Variants in CCDC60 observed in about 807,000 individuals in gnomAD.
The protein encoded by CCDC60 is coiled-coil domain containing 60.
In CCDC60, 54 loss-of-function variants were observed where a neutral mutation model predicts 63.5. The observed-to-expected ratio is 0.85, with a 90% CI of 0.68 to 1.07. The LOEUF (loss-of-function observed/expected upper bound fraction) is 1.07. Ranked by LOEUF, CCDC60 falls within the 50% of genes least tolerant of loss-of-function variation. The pLI, the probability that CCDC60 is intolerant of heterozygous loss-of-function variation, is 0.00. For synonymous variants in CCDC60, 206 were observed against 238.8 expected (o/e 0.86, Z 1.27); for missense variants, 651 against 684.3 (o/e 0.95, Z 0.54).
chr12:119,438,960 T>A (rs1000833425), intron 2 of CCDC60, among the ~76,000 whole-genome samples: 1 of 152,066 alleles, frequency 6.6e-6, no homozygotes, highest in Non-Finnish European at 1.5e-5. Flanking sequence ...AGAACAGAGA[T>A]GAGGCCAAGG....
At chr12:119,535,348 A>G (rs1453058050) in intron 13 of CCDC60, among the ~76,000 whole-genome samples, 1 of 151,520 alleles carries the variant, frequency 6.6e-6, no homozygotes, top group Non-Finnish European at 1.5e-5. Flanking sequence ...AATTTTGTTG[A>G]TCTTTTCAAA....
chr12:119,513,105 C>T (rs1284732115), intron 7 of CCDC60, among the ~76,000 whole-genome samples: 1 of 152,170 alleles, frequency 6.6e-6, no homozygotes, highest in African/African-American at 2.4e-5. Context: ...TAGGAAAAAG[C>T]GGTCCCAAAG....
intron 2 of CCDC60, among the ~76,000 whole-genome samples, chr12:119,458,560 T>A (rs892036590): frequency 6.6e-5 from 10 of 152,264 alleles, no homozygotes; most frequent in Non-Finnish European, 1.3e-4. Context: ...AAATCTTCAA[T>A]ACTCTGCAAT....
In CCDC60 at chr12:119,507,612, A is replaced by ATTTTT. The variant is rs1271195617; in HGVS notation, c.883+2310_883+2311insTTTTT. ...TATACATATATATATATATATATAT[A>ATTTTT]TATTTTTTTTTTTTTTTTCTAGAAA... On this transcript the variant is annotated intron_variant, in intron 7 of 13. Transcript: ENST00000327554. 1.9e-3 allele frequency among the ~76,000 whole-genome samples: 87 copies of ATTTTT among 45,392 alleles called. 6 individuals carry two copies. Among genetic ancestry groups the ATTTTT allele is most frequent in the African/African-American group, 3.4e-3 (42 of 12,246 alleles). 29.8% of individuals were successfully genotyped at this position (45,392 alleles called of 152,430 possible).
At chr12:119,425,023 A>T (rs1956877329) in intron 1 of CCDC60, among the ~76,000 whole-genome samples, 1 of 152,338 alleles carries the variant, frequency 6.6e-6, no homozygotes, top group Middle Eastern at 3.4e-3. Context: ...TTTGAAAAAA[A>T]AAATGCTTGA....
At chr12:119,435,722 T>C (rs1019870619) in intron 2 of CCDC60, among the ~76,000 whole-genome samples, 2 of 152,216 alleles carry the variant, frequency 1.3e-5, no homozygotes, top group African/African-American at 4.8e-5. Context: ...ATTGTATCGG[T>C]CAGCTGTTGC....
intron 1 of CCDC60, among the ~76,000 whole-genome samples, chr12:119,336,190 C>T (rs1245172096): frequency 6.6e-6 from 1 of 151,554 alleles, no homozygotes; most frequent in Admixed American, 6.6e-5. Flanking sequence ...CACATGTATA[C>T]ATATGTAACT....
chr12:119,337,360 A>G (rs1188097559), intron 1 of CCDC60, among the ~76,000 whole-genome samples: 1 of 152,206 alleles, frequency 6.6e-6, no homozygotes, highest in African/African-American at 2.4e-5. Context: ...AGCAGCAGAC[A>G]GAATCACCCT....
At chr12:119,518,357 T>TA (rs1593205048) in intron 8 of CCDC60, among the ~76,000 whole-genome samples, 2 of 152,302 alleles carry the variant, frequency 1.3e-5, no homozygotes, top group East Asian at 3.9e-4. Flanking sequence ...AGCCTTTCTC[T>TA]AAACCTCTGT....
intron 1 of CCDC60, among the ~76,000 whole-genome samples, chr12:119,336,764 G>A (rs568776316): frequency 2.4e-3 from 359 of 152,316 alleles, no homozygotes; most frequent in Admixed American, 5.2e-3. Context: ...TGATGTTAAC[G>A]CTGGATAATG....
intron 10 of CCDC60, 35 bp downstream of exon 10, chr12:119,523,036 G>A (rs1413301523): frequency 6.3e-7 from 1 of 1,576,716 alleles, no homozygotes; most frequent in African/African-American, 1.3e-5. Context: ...AACCACGCAA[G>A]AGGGAATATG....
intron 1 of CCDC60, among the ~76,000 whole-genome samples, chr12:119,406,182 T>G (rs1956485775): frequency 7.5e-6 from 1 of 132,768 alleles, no homozygotes; most frequent in Non-Finnish European, 1.6e-5. Context: ...AAAAAATATA[T>G]ATATATATAG....
At chr12:119,425,970 G>A (rs1227519705) in intron 1 of CCDC60, among the ~76,000 whole-genome samples, 1 of 152,154 alleles carries the variant, frequency 6.6e-6, no homozygotes, top group Admixed American at 6.5e-5. Context: ...GGAACTAACT[G>A]GTATCAACAG....
intron 6 of CCDC60, among the ~76,000 whole-genome samples, chr12:119,502,990 G>A (rs1206291252): frequency 3.9e-5 from 6 of 152,178 alleles, no homozygotes; most frequent in Middle Eastern, 3.4e-3. Flanking sequence ...GCAACATGGT[G>A]AAACCCCATC....
At chr12:119,445,114 C>G (rs888392500) in intron 2 of CCDC60, among the ~76,000 whole-genome samples, 6 of 151,896 alleles carry the variant, frequency 4.0e-5, no homozygotes, top group African/African-American at 1.5e-4. Flanking sequence ...CCTAAATTTC[C>G]CATGAAAATG....
At position 119,364,201 on chromosome 12, in the gene CCDC60, TA is replaced by T. The variant is rs150010300; in HGVS notation, c.90+28936del. On this transcript the variant is annotated intron_variant, in intron 1 of 13. Coordinates refer to ENST00000327554, the MANE Select transcript of CCDC60 (RefSeq NM_178499.5). ...TTGTTTTGACTTTGATATACTCATT[TA>T]TTTTTAATCAACTTTTTGAGGTGTA... Among the ~76,000 whole-genome samples, 200 of 152,328 alleles carry T rather than the reference TA, an allele frequency of 1.3e-3. 1 individual carries two copies. Among genetic ancestry groups the T allele is most frequent in the African/African-American group, 4.6e-3 (192 of 41,566 alleles).
intron 1 of CCDC60, among the ~76,000 whole-genome samples, chr12:119,421,492 T>C (rs145261904): frequency 1.9e-3 from 282 of 152,296 alleles, no homozygotes; most frequent in African/African-American, 6.4e-3. Context: ...TGCCACTTAA[T>C]AGCAAGTCAG....
At chr12:119,396,740 A>G (rs1205194331) in intron 1 of CCDC60, among the ~76,000 whole-genome samples, 1 of 152,128 alleles carries the variant, frequency 6.6e-6, no homozygotes, top group East Asian at 1.9e-4. Flanking sequence ...TAATTAGACA[A>G]GTGTCTGGTG....
intron 1 of CCDC60, among the ~76,000 whole-genome samples, chr12:119,376,818 G>A (rs10849647): frequency 0.16 from 24,400 of 151,902 alleles, 2,236 homozygotes; most frequent in South Asian, 0.35. Flanking sequence ...AGTTGGGGCT[G>A]GGGTCATTTA....
Sources: gnomAD v4.1 joint callset for allele counts (sites outside exome capture counted in the v4.1 genomes callset) on GRCh38, gnomAD v4.1.1 for gene constraint, MANE v1.5 for transcripts, NCBI Gene and HGNC (gene_info 2026-07-23, HGNC 2026-07-21) for gene names.